Variants in TRAF3 observed in about 807,000 individuals in gnomAD.
TRAF3 encodes the protein TNF receptor associated factor 3.
In TRAF3, 13 loss-of-function variants were observed where a neutral mutation model predicts 62.3. The ratio of observed to expected loss-of-function variants is 0.21; its 90% confidence interval spans 0.14 to 0.33. The LOEUF is 0.33. TRAF3 is among the 10% of genes least tolerant of loss of function. TRAF3 has a pLI of 1.00. For missense variants in TRAF3, 440 were observed against 741.8 expected, an observed-to-expected ratio of 0.59 and a Z score of 4.73; for synonymous variants, 269 against 283.4, an observed-to-expected ratio of 0.95 and a Z score of 0.51.
intron 2 of TRAF3, among the ~76,000 whole-genome samples, chr14:102,865,107 G>C (rs756470822): frequency 6.6e-6 from 1 of 152,180 alleles, no homozygotes; most frequent in Non-Finnish European, 1.5e-5. Context: ...AGAAGTGACT[G>C]CTCTTGGTGG....
At chr14:102,848,743 G>C (rs1475207465) in intron 2 of TRAF3, among the ~76,000 whole-genome samples, 1 of 151,992 alleles carries the variant, frequency 6.6e-6, no homozygotes, top group Non-Finnish European at 1.5e-5. Flanking sequence ...CATTTTATTT[G>C]TTGGAAAATC....
chr14:102,864,238 T>TC (rs1262995991), intron 2 of TRAF3, among the ~76,000 whole-genome samples: 1 of 145,602 alleles, frequency 6.9e-6, no homozygotes, highest in Non-Finnish European at 1.5e-5. Flanking sequence ...AAGCTCCGCC[T>TC]CCCAGGTTCA....
chr14:102,792,911 G>C (rs929579492), intron 1 of TRAF3, among the ~76,000 whole-genome samples: 1 of 151,624 alleles, frequency 6.6e-6, no homozygotes, highest in Non-Finnish European at 1.5e-5. Context: ...GTGCGATCTC[G>C]GGTCACTGCA....
intron 2 of TRAF3, among the ~76,000 whole-genome samples, chr14:102,840,552 A>G (rs569372951): frequency 3.0e-4 from 45 of 152,330 alleles, no homozygotes; most frequent in African/African-American, 8.4e-4. Flanking sequence ...TTTGAAAGAC[A>G]GGATCAGTAT....
intron 2 of TRAF3, among the ~76,000 whole-genome samples, chr14:102,853,654 G>A (rs1298372074): frequency 6.6e-6 from 1 of 151,982 alleles, no homozygotes; most frequent in East Asian, 1.9e-4. Context: ...CGCCAACATG[G>A]TGAAACCCCC....
chr14:102,892,972 T>C (rs962890914), intron 9 of TRAF3, among the ~76,000 whole-genome samples: 10 of 152,334 alleles, frequency 6.6e-5, no homozygotes, highest in South Asian at 2.1e-4. Context: ...ATCTTTTTTT[T>C]CCCTCTTTTT....
At position 102,903,624 on chromosome 14, in the gene TRAF3, G is replaced by C. The variant is rs1398759843; in HGVS notation, c.1135+195G>C. 10 of 832,456 alleles carry C rather than the reference G, an allele frequency of 1.2e-5. No individual in the cohort carries two copies. Among genetic ancestry groups the C allele is most frequent in the Non-Finnish European group, 2.0e-5 (10 of 508,282 alleles). 51.6% of individuals were successfully genotyped at this position (832,456 alleles called of 1,614,324 possible). On this transcript the variant is annotated intron_variant, in intron 11 of 11. Coordinates refer to ENST00000392745, the MANE Select transcript of TRAF3 (RefSeq NM_145725.3). This position sits in a 1 kb window ranked among gnomAD's most constrained non-coding sequence, Gnocchi z 6.4. ...AGCAAAGACAAACGTTTCCCGCGCA[G>C]GCTTGTCCCCTCCGTGTGAGGCCCT...
At chr14:102,902,328 C>T (rs1247586180) in intron 10 of TRAF3, among the ~76,000 whole-genome samples, 2 of 152,224 alleles carry the variant, frequency 1.3e-5, no homozygotes, top group Non-Finnish European at 2.9e-5. Context: ...GAGGACATGC[C>T]TTGGGGCCCT....
Position 102,870,236 on chromosome 14 carries a change from C to T in TRAF3, c.35C>T (p.Ala12Val), listed in dbSNP as rs746483559. 45 of 1,613,960 alleles carry T rather than the reference C, an allele frequency of 2.8e-5. No individual in the cohort carries two copies. The South Asian group carries it at 3.2e-4, about 11-fold the overall frequency. The change falls in exon 3 of 12, where the codon GCG becomes GTG. Residue 12 changes from alanine (A) to valine (V), a missense_variant. Around this residue, in one of 6 missense-constraint regions of TRAF3, gnomAD observed 40 missense variants for 38.3 expected, o/e 1.05. Coordinates refer to ENST00000392745, the MANE Select transcript of TRAF3 (RefSeq NM_145725.3). ...ESSKKMDSPG[A>V]LQTNPPLKLH... ...AGTAAAAAGATGGACTCTCCTGGCG[C>T]GCTGCAGACTAACCCGCCGCTAAAG... is the stretch of plus-strand genomic sequence containing the variant.
At position 102,870,378 on chromosome 14, in the gene TRAF3, G is replaced by A. The variant is rs1888266464; in HGVS notation, c.177G>A (p.Val59=). 1.2e-6 allele frequency: 2 copies of A among 1,614,208 alleles called. No homozygotes were observed. Among genetic ancestry groups the A allele is most frequent in the Non-Finnish European group, 1.7e-6 (2 of 1,180,032 alleles). The part of the protein sequence containing the change: ...DKYKCEKCHL[V]LCSPKQTECG... Reference sequence around the variant, plus strand: ...ACAAGTGTGAGAAGTGCCACCTGGTGCTGTGCAGCCCGAAGCAGACCGAGT... The same window carrying A: ...ACAAGTGTGAGAAGTGCCACCTGGTACTGTGCAGCCCGAAGCAGACCGAGT... Residue 59 remains valine, a synonymous_variant, in exon 3 of 12, where the codon GTG becomes GTA. Coordinates refer to ENST00000392745, the MANE Select transcript of TRAF3 (RefSeq NM_145725.3).
intron 1 of TRAF3, among the ~76,000 whole-genome samples, chr14:102,798,780 G>C (rs1278309512): frequency 6.6e-6 from 1 of 152,210 alleles, no homozygotes; most frequent in East Asian, 1.9e-4. Context: ...GGCCTCAGCA[G>C]ACCTTTGTAA....
intron 1 of TRAF3, among the ~76,000 whole-genome samples, chr14:102,791,247 C>T (rs570947337): frequency 1.1e-4 from 17 of 152,160 alleles, no homozygotes; most frequent in Non-Finnish European, 2.2e-4. Context: ...TTTCAATCTC[C>T]TGATCTCGTG....
chr14:102,798,396 T>G (rs748960488), intron 1 of TRAF3, among the ~76,000 whole-genome samples: 1 of 152,130 alleles, frequency 6.6e-6, no homozygotes, highest in Non-Finnish European at 1.5e-5. Context: ...TCCCAGCACT[T>G]TGGGAGGCAA....
chr14:102,832,207 C>T (rs182365194), intron 2 of TRAF3, among the ~76,000 whole-genome samples: 4 of 152,100 alleles, frequency 2.6e-5, no homozygotes, highest in African/African-American at 4.8e-5. Context: ...TAAAGATAAA[C>T]TCACAGTTAT....
At position 102,906,296 on chromosome 14, in the gene TRAF3, G is replaced by C. The variant is rs1890583558; in HGVS notation, c.*512G>C. 1 of 153,946 alleles carries C rather than the reference G, an allele frequency of 6.5e-6. No homozygotes were observed. 9.5% of individuals were successfully genotyped at this position (153,946 alleles called of 1,614,324 possible). ...ATTGTCTATTTTTAAGGCCTCATCT[G>C]GTCTCTGTTTTAATAATTTGTTTGT... is the stretch of plus-strand genomic sequence containing the variant. On this transcript the variant is annotated 3_prime_UTR_variant, in exon 12 of 12. Coordinates refer to ENST00000392745, the MANE Select transcript of TRAF3 (RefSeq NM_145725.3).
chr14:102,800,953 C>T (rs780251071), intron 1 of TRAF3, among the ~76,000 whole-genome samples: 24 of 151,746 alleles, frequency 1.6e-4, no homozygotes, highest in African/African-American at 4.8e-4. Flanking sequence ...CCAAGGCGGG[C>T]GGATCACGAG....
intron 1 of TRAF3, among the ~76,000 whole-genome samples, chr14:102,787,318 T>C (rs1897555600): frequency 1.3e-5 from 2 of 152,354 alleles, no homozygotes; most frequent in Non-Finnish European, 2.9e-5. Flanking sequence ...TTTTAACATA[T>C]GAATTTTTAT....
chr14:102,871,435 G>C (rs1888336898), intron 3 of TRAF3, among the ~76,000 whole-genome samples: 1 of 152,196 alleles, frequency 6.6e-6, no homozygotes, highest in African/African-American at 2.4e-5. Flanking sequence ...AGGGGCTGGA[G>C]CCCCCATATA....
At chr14:102,819,641 C>T (rs1290305076) in intron 1 of TRAF3, among the ~76,000 whole-genome samples, 2 of 152,218 alleles carry the variant, frequency 1.3e-5, no homozygotes, top group African/African-American at 4.8e-5. Flanking sequence ...TGTCATCTAA[C>T]AGTCATGGGA....
Sources: gnomAD v4.1 joint callset for allele counts (sites outside exome capture counted in the v4.1 genomes callset) on GRCh38, gnomAD v4.1.1 for gene constraint, gnomAD v4.1.1 regional missense constraint, Gnocchi (gnomAD v3.1) non-coding constraint, MANE v1.5 for transcripts, NCBI Gene and HGNC (gene_info 2026-07-23, HGNC 2026-07-21) for gene names.